ITCH: variants seen among roughly 807,000 people sequenced by gnomAD.
ITCH encodes the protein E3 ubiquitin-protein ligase Itchy homolog.
ITCH carries 28 observed loss-of-function variants against 126.8 expected under a neutral mutation model. That is an observed-to-expected ratio of 0.22 (90% CI 0.16 to 0.30). The LOEUF (loss-of-function observed/expected upper bound fraction) is 0.30. Ranked by LOEUF, ITCH falls within the 10% of genes least tolerant of loss-of-function variation. The pLI is 1.00. For synonymous variants in ITCH, 342 were observed against 340.0 expected, an observed-to-expected ratio of 1.01 and a Z score of -0.06; for missense variants, 631 against 1,032.4, an observed-to-expected ratio of 0.61 and a Z score of 5.33.
chr20:34,398,690 G>A (rs765731181), intron 3 of ITCH, among the ~76,000 whole-genome samples: 7 of 152,014 alleles, frequency 4.6e-5, no homozygotes, highest in Admixed American at 2.6e-4. Context: ...GAGCCACCGC[G>A]CCTGGCCTTA....
At chr20:34,436,653 A>G (rs944274760) in intron 7 of ITCH, among the ~76,000 whole-genome samples, 1 of 152,174 alleles carries the variant, frequency 6.6e-6, no homozygotes, top group African/African-American at 2.4e-5. Flanking sequence ...TACTGTCCAC[A>G]TATATAATCT....
In ITCH at chr20:34,413,755, T is replaced by G. The variant is rs1231437374; in HGVS notation, c.351T>G (p.Val117=). Residue 117 remains valine (V), a synonymous_variant, in exon 6 of 25, where the codon GTT becomes GTG. Transcript: ENST00000374864. ...KSNNMKLEEV[V]VTLQLGGDKE... Reference sequence around the variant, plus strand: ...ATTTTCTTCCAGTTGAAGAAGTAGTTGTGACTTTGCAGCTTGGAGGTGACA... The same window carrying G: ...ATTTTCTTCCAGTTGAAGAAGTAGTGGTGACTTTGCAGCTTGGAGGTGACA... 4 of 1,609,958 alleles carry G rather than the reference T, an allele frequency of 2.5e-6. No individual in the cohort carries two copies. Among genetic ancestry groups the G allele is most frequent in the Non-Finnish European group, 2.5e-6 (3 of 1,177,976 alleles).
At chr20:34,451,247 G>A (rs545857541) in intron 12 of ITCH, among the ~76,000 whole-genome samples, 32 of 149,370 alleles carry the variant, frequency 2.1e-4, no homozygotes, top group Middle Eastern at 6.9e-3. Context: ...CCAAGATCGC[G>A]CCATTGCACT....
chr20:34,392,657 G>A (rs2038527699), intron 2 of ITCH, among the ~76,000 whole-genome samples: 1 of 152,180 alleles, frequency 6.6e-6, no homozygotes, highest in Admixed American at 6.5e-5. Context: ...CTTCCATAGT[G>A]CCTGGCAAAC....
intron 13 of ITCH, among the ~76,000 whole-genome samples, chr20:34,459,183 T>TA: frequency 6.6e-6 from 1 of 152,124 alleles, no homozygotes; most frequent in Admixed American, 6.5e-5. Context: ...AAACCTCTTA[T>TA]AGTCACATTT....
intron 2 of ITCH, among the ~76,000 whole-genome samples, chr20:34,370,663 C>CAA (rs113103425): frequency 8.7e-4 from 112 of 129,290 alleles, no homozygotes; most frequent in South Asian, 1.7e-3. Context: ...GAGTCTGTCT[C>CAA]AAAAAAAAAA....
intron 1 of ITCH, among the ~76,000 whole-genome samples, chr20:34,367,988 G>A (rs564713887): frequency 6.6e-6 from 1 of 152,208 alleles, no homozygotes; most frequent in South Asian, 2.1e-4. Flanking sequence ...ATTTGTGTTA[G>A]GGCCGGGCGC....
chr20:34,492,002 G>C (rs568619442), intron 22 of ITCH, among the ~76,000 whole-genome samples: 6 of 152,126 alleles, frequency 3.9e-5, no homozygotes, highest in African/African-American at 1.4e-4. Flanking sequence ...GGGCTGGGGG[G>C]TGGTGGTGGG....
chr20:34,457,754 C>T (rs1392833552), intron 13 of ITCH, among the ~76,000 whole-genome samples: 1 of 152,116 alleles, frequency 6.6e-6, no homozygotes, highest in Non-Finnish European at 1.5e-5. Context: ...GCCAGGAAGA[C>T]CTGCGTAATG....
chr20:34,495,410 A>G (rs1989812622), intron 23 of ITCH, among the ~76,000 whole-genome samples: 1 of 151,594 alleles, frequency 6.6e-6, no homozygotes, highest in Admixed American at 6.6e-5. Context: ...GCCGATCTGT[A>G]CTTGTGCATC....
In ITCH at chr20:34,378,118, T is replaced by C. The variant is rs987746217; in HGVS notation, c.-22+8648T>C. ...TAGAGACTATAGTCTTTTTCGCAAG[T>C]AAGCTGAATAGTGTGTTAGGTATAG... On this transcript the variant is annotated intron_variant, in intron 2 of 24. Transcript: ENST00000374864. 5.3e-5 allele frequency among the ~76,000 whole-genome samples: 8 copies of C among 152,090 alleles called. No homozygotes were observed. In the East Asian group the frequency reaches 1.4e-3, roughly 26 times the overall value.
In ITCH at chr20:34,462,298, A is replaced by G. The variant is rs983190927; in HGVS notation, c.1424+77A>G. 1.5e-5 allele frequency: 21 copies of G among 1,439,652 alleles called. No homozygotes were observed. The East Asian group carries it at 4.5e-4, about 31-fold the overall frequency. 89.2% of individuals were successfully genotyped at this position (1,439,652 alleles called of 1,614,324 possible). A position where few individuals can be genotyped will look rare whatever the true frequency, so the allele number is the denominator to read the frequency against. ...TTTGATATAAAGATTTGTATTAGCA[A>G]GGAGTGGAAGTCTTAGTATTTCTTG... On this transcript the variant is annotated intron_variant, in intron 14 of 24. Coordinates refer to ENST00000374864, the MANE Select transcript of ITCH (RefSeq NM_031483.7).
At chr20:34,400,651 T>TTC (rs1268515329) in intron 3 of ITCH, among the ~76,000 whole-genome samples, 4 of 148,600 alleles carry the variant, frequency 2.7e-5, no homozygotes, top group African/African-American at 7.5e-5. Context: ...TTTTTCTTTT[T>TTC]TTTTTTTTTT....
chr20:34,487,429 T>C (rs1409549133), intron 20 of ITCH, among the ~76,000 whole-genome samples: 1 of 152,254 alleles, frequency 6.6e-6, no homozygotes, highest in Non-Finnish European at 1.5e-5. Flanking sequence ...TTTGTTTTGC[T>C]ATTTGTCTCG....
intron 6 of ITCH, among the ~76,000 whole-genome samples, chr20:34,417,474 A>G (rs912041569): frequency 6.9e-6 from 1 of 145,472 alleles, no homozygotes; most frequent in African/African-American, 2.6e-5. Context: ...ATCTCGGCTC[A>G]CTACAACCTC....
chr20:34,450,665 G>A (rs1985083455), intron 12 of ITCH, among the ~76,000 whole-genome samples: 1 of 152,152 alleles, frequency 6.6e-6, no homozygotes, highest in Admixed American at 6.6e-5. Context: ...GCCCATTGTG[G>A]AACCAGAGTT....
intron 6 of ITCH, among the ~76,000 whole-genome samples, chr20:34,416,242 T>G (rs1352932544): frequency 6.6e-6 from 1 of 150,882 alleles, no homozygotes; most frequent in Admixed American, 6.6e-5. Context: ...CTACTAAAAA[T>G]ACAAAATTAG....
chr20:34,398,728 C>A (rs1419493022), intron 3 of ITCH, among the ~76,000 whole-genome samples: 1 of 151,942 alleles, frequency 6.6e-6, no homozygotes, highest in Admixed American at 6.6e-5. Flanking sequence ...AAATTTTTTT[C>A]TTTTTCTTTT....
At chr20:34,369,109 C>T (rs987476920) in intron 1 of ITCH, among the ~76,000 whole-genome samples, 9 of 152,112 alleles carry the variant, frequency 5.9e-5, no homozygotes, top group African/African-American at 2.2e-4. Flanking sequence ...GTGGGTGGAT[C>T]ACGAGGTCAG....
Sources: gnomAD v4.1 joint callset for allele counts (sites outside exome capture counted in the v4.1 genomes callset) on GRCh38, gnomAD v4.1.1 for gene constraint, MANE v1.5 for transcripts, NCBI Gene and HGNC (gene_info 2026-07-23, HGNC 2026-07-21) for gene names.